CPEB3: variants seen among roughly 807,000 people sequenced by gnomAD.
CPEB3 encodes cytoplasmic polyadenylation element-binding protein 3.
CPEB3 carries 20 observed loss-of-function variants against 67.2 expected under a neutral mutation model. The ratio of observed to expected loss-of-function variants is 0.30; its 90% CI spans 0.21 to 0.43. CPEB3 has a LOEUF of 0.43. Among genes scored for constraint, CPEB3 ranks in the 20% least tolerant of loss-of-function variants. The pLI is 1.00. For synonymous variants in CPEB3, 376 were observed against 393.1 expected (o/e 0.96, Z 0.51); for missense variants, 746 against 968.6 (o/e 0.77, Z 3.05).
chr10:92,066,824 C>A (rs1165752225), intron 9 of CPEB3, among the ~76,000 whole-genome samples: 2 of 152,226 alleles, frequency 1.3e-5, no homozygotes, highest in East Asian at 3.9e-4. Flanking sequence ...GCGGGCGGAT[C>A]ACTTGAAGTC....
At chr10:92,149,668 C>T (rs1022877021) in intron 4 of CPEB3, among the ~76,000 whole-genome samples, 3 of 152,048 alleles carry the variant, frequency 2.0e-5, no homozygotes, top group Non-Finnish European at 4.4e-5. Flanking sequence ...GTACGATAGA[C>T]GTTAGCAATA....
intron 4 of CPEB3, among the ~76,000 whole-genome samples, chr10:92,153,090 T>C (rs954260424): frequency 6.6e-5 from 10 of 152,228 alleles, no homozygotes; most frequent in African/African-American, 2.4e-4. Flanking sequence ...ATTACAACCA[T>C]GAACATTCAG....
intron 9 of CPEB3, among the ~76,000 whole-genome samples, chr10:92,062,538 T>C (rs1433668374): frequency 1.3e-5 from 2 of 152,164 alleles, no homozygotes; most frequent in African/African-American, 4.8e-5. Context: ...AAATGAATTG[T>C]AGACCAATAC....
At chr10:92,225,335 T>C (rs972710530) in intron 2 of CPEB3, among the ~76,000 whole-genome samples, 1 of 152,204 alleles carries the variant, frequency 6.6e-6, no homozygotes, top group Non-Finnish European at 1.5e-5. Flanking sequence ...TAAAGTATTA[T>C]GATGCCCAAC....
chr10:92,054,727 C>G (rs1350447514), intron 9 of CPEB3, among the ~76,000 whole-genome samples: 2 of 152,150 alleles, frequency 1.3e-5, no homozygotes, highest in Non-Finnish European at 2.9e-5. Flanking sequence ...CAGGAGTGAG[C>G]CACCACACCT....
At chr10:92,164,355 CTGAT>C (rs922944107) in intron 4 of CPEB3, among the ~76,000 whole-genome samples, 7 of 152,202 alleles carry the variant, frequency 4.6e-5, no homozygotes, top group Non-Finnish European at 1.0e-4. Context: ...AGTATACGAT[CTGAT>C]TAATTTTGAT....
Position 92,080,091 on chromosome 10 carries a change from C to A in CPEB3, c.1869+1229G>T, listed in dbSNP as rs371491661. On this transcript the variant is annotated intron_variant, in intron 9 of 9. Transcript: ENST00000265997. ...GCATCATGGCGGGCGTCTGTAGTCCCAGTTACTCGGGAGGCTGAGGCAGGA... is the reference window on the plus strand; with the variant it reads ...GCATCATGGCGGGCGTCTGTAGTCCAAGTTACTCGGGAGGCTGAGGCAGGA... Among the ~76,000 whole-genome samples, 41 of 151,598 alleles carry A rather than the reference C, an allele frequency of 2.7e-4. No homozygotes were observed. The East Asian group carries it at 3.9e-3, about 14-fold the overall frequency.
intron 1 of CPEB3, among the ~76,000 whole-genome samples, chr10:92,268,878 C>T (rs1328545270): frequency 1.3e-5 from 2 of 152,016 alleles, no homozygotes; most frequent in African/African-American, 4.8e-5. Context: ...CACTACGAAA[C>T]CAAGATTTGC....
At chr10:92,227,928 G>A (rs928468987) in intron 2 of CPEB3, among the ~76,000 whole-genome samples, 2 of 150,670 alleles carry the variant, frequency 1.3e-5, no homozygotes, top group African/African-American at 4.9e-5. Context: ...TCACTCTGTC[G>A]CCCAGGCTGG....
At chr10:92,199,965 C>A (rs1161528498) in intron 2 of CPEB3, among the ~76,000 whole-genome samples, 1 of 152,166 alleles carries the variant, frequency 6.6e-6, no homozygotes, top group Admixed American at 6.5e-5. Flanking sequence ...TGCCTCCACT[C>A]ACTGTCTTCA....
At chr10:92,144,347 C>T (rs1846579236) in intron 5 of CPEB3, among the ~76,000 whole-genome samples, 1 of 152,172 alleles carries the variant, frequency 6.6e-6, no homozygotes, top group Non-Finnish European at 1.5e-5. Flanking sequence ...TCATAGCTCA[C>T]TGTAACCTCA....
Position 92,170,463 on chromosome 10 carries a change from T to C in CPEB3, c.1222+10500A>G, listed in dbSNP as rs746124616. Among the ~76,000 whole-genome samples, 14 of 152,340 alleles carry C rather than the reference T, an allele frequency of 9.2e-5. No individual in the cohort carries two copies. In the South Asian group the frequency reaches 2.3e-3, roughly 25 times the overall value. The stretch of plus-strand genomic sequence containing the variant: ...TCTGCATAATACTGCTATACCTTAC[T>C]GGAGAGAGTGGGCATCCACACCCAC... On this transcript the variant is annotated intron_variant, in intron 4 of 9. Transcript: ENST00000265997.
At chr10:92,056,239 CA>C (rs1250079279) in intron 9 of CPEB3, among the ~76,000 whole-genome samples, 2 of 152,266 alleles carry the variant, frequency 1.3e-5, no homozygotes, top group East Asian at 3.9e-4. Context: ...TCCACAAACA[CA>C]GATGTGCAAG....
chr10:92,280,336 T>A (rs1590610979), intron 1 of CPEB3, among the ~76,000 whole-genome samples: 1 of 47,466 alleles, frequency 2.1e-5, no homozygotes, highest in Non-Finnish European at 3.5e-5. Context: ...AGAGCAAAAC[T>A]CCATCTCAAA....
chr10:92,093,592 C>G (rs984661602), intron 7 of CPEB3, among the ~76,000 whole-genome samples: 4 of 151,676 alleles, frequency 2.6e-5, no homozygotes, highest in African/African-American at 9.7e-5. Context: ...ACCTCCACCC[C>G]CCAGGTTCAA....
intron 4 of CPEB3, among the ~76,000 whole-genome samples, chr10:92,161,650 G>A (rs1312365666): frequency 1.6e-4 from 24 of 151,500 alleles, no homozygotes; most frequent in Non-Finnish European, 8.8e-5. Flanking sequence ...TATCATAGCA[G>A]CTAATGAGTG....
chr10:92,067,394 G>C (rs1842593304), intron 9 of CPEB3, among the ~76,000 whole-genome samples: 1 of 152,000 alleles, frequency 6.6e-6, no homozygotes, highest in South Asian at 2.1e-4. Flanking sequence ...CAGCTACTTG[G>C]GAGGCTGAGG....
intron 1 of CPEB3, among the ~76,000 whole-genome samples, chr10:92,287,384 C>T (rs72807291): frequency 6.6e-6 from 1 of 152,278 alleles, no homozygotes; most frequent in Non-Finnish European, 1.5e-5. Context: ...CCTTCAAAAT[C>T]AGAGAATATA....
rs530528165 is a variant in CPEB3, at chr10:92,207,849, G to A, written c.1006-15213C>T. 3.0e-4 allele frequency among the ~76,000 whole-genome samples: 45 copies of A among 152,312 alleles called. 1 individual carries two copies. The highest frequency in any genetic ancestry group is 1.0e-3 in the African/African-American group (43 of 41,568). ...CACACCACTACACTCCAGCCTGAGC[G>A]ATAGAGCGAGACTCTGTCTCAAAAC... On this transcript the variant is annotated intron_variant, in intron 2 of 9. Transcript: ENST00000265997.
Sources: allele counts gnomAD v4.1 joint callset (sites outside exome capture counted in the v4.1 genomes callset), GRCh38; gene constraint gnomAD v4.1.1; transcripts MANE v1.5; gene names NCBI Gene and HGNC (gene_info 2026-07-23, HGNC 2026-07-21).